Variants in ST6GAL2 observed in about 807,000 individuals in gnomAD.
ST6GAL2 encodes the protein ST6 beta-galactoside alpha-2,6-sialyltransferase 2.
ST6GAL2 carries 24 observed loss-of-function variants against 37.5 expected under a neutral mutation model. The observed-to-expected ratio is 0.64, with a 90% confidence interval of 0.46 to 0.90. ST6GAL2 has a LOEUF of 0.90. Ranked by LOEUF, ST6GAL2 falls within the 40% of genes least tolerant of loss-of-function variation. The pLI is 0.00. For synonymous variants in ST6GAL2, 306 were observed against 295.1 expected (o/e 1.04, Z -0.38); for missense variants, 715 against 712.7 (o/e 1.00, Z -0.04).
At chr2:106,854,127 G>A (rs1677479885) in intron 1 of ST6GAL2, among the ~76,000 whole-genome samples, 1 of 152,182 alleles carries the variant, frequency 6.6e-6, no homozygotes, top group Non-Finnish European at 1.5e-5. Context: ...AGCACAGGTG[G>A]CCAGCAGATG....
chr2:106,823,442 A>AACAC (rs60795605), intron 5 of ST6GAL2, among the ~76,000 whole-genome samples: 11,120 of 100,764 alleles, frequency 0.11, 669 homozygotes, highest in Non-Finnish European at 0.15. Context: ...CCCAGCAGAA[A>AACAC]ACACACACAC....
intron 1 of ST6GAL2, among the ~76,000 whole-genome samples, chr2:106,868,234 T>G (rs1232630236): frequency 6.6e-6 from 1 of 152,118 alleles, no homozygotes; most frequent in Admixed American, 6.5e-5. Flanking sequence ...AAGCCTGGAA[T>G]ACGGTTAATT....
At chr2:106,859,546 C>A (rs1184974592) in intron 1 of ST6GAL2, among the ~76,000 whole-genome samples, 1 of 152,182 alleles carries the variant, frequency 6.6e-6, no homozygotes, top group African/African-American at 2.4e-5. Context: ...CATGGCCAGT[C>A]ACTCAGTTGC....
intron 4 of ST6GAL2, among the ~76,000 whole-genome samples, chr2:106,830,887 G>A (rs1458712747): frequency 1.3e-5 from 2 of 152,126 alleles, no homozygotes; most frequent in African/African-American, 4.8e-5. Flanking sequence ...AGATACATGA[G>A]TGTATAAATT....
At chr2:106,836,040 A>C (rs939266036) in intron 2 of ST6GAL2, among the ~76,000 whole-genome samples, 1 of 152,166 alleles carries the variant, frequency 6.6e-6, no homozygotes, top group African/African-American at 2.4e-5. Flanking sequence ...GGCAGATGGA[A>C]TATATCTACT....
Position 106,843,813 on chromosome 2 carries a change from C to G in ST6GAL2, c.165G>C (p.Gln55His), listed in dbSNP as rs201439330. The part of the protein sequence containing the change: ...FLETRRLLPV[Q>H]GKQRAIMGAA... The stretch of plus-strand genomic sequence containing the variant: ...CGCCCATGATGGCCCGCTGCTTCCC[C>G]TGCACCGGCAGGAGCCTCCTGGTCT... The change falls in exon 2 of 6, where the codon CAG (glutamine) becomes CAC (histidine). Residue 55 changes from glutamine to histidine, a missense_variant. Physicochemically the swap from Gln to His is conservative, Grantham distance 24. Around this residue, in one of 3 missense-constraint regions of ST6GAL2, gnomAD observed 512 missense variants for 488.8 expected, o/e 1.05. Transcript: ENST00000409382. The G allele has an allele frequency of 2.1e-4, 335 of 1,611,848 alleles. No homozygotes were observed. The highest frequency in any genetic ancestry group is 1.6e-5 in the Non-Finnish European group (19 of 1,179,050).
At chr2:106,827,287 A>G (rs1052693557) in intron 5 of ST6GAL2, among the ~76,000 whole-genome samples, 1 of 152,204 alleles carries the variant, frequency 6.6e-6, no homozygotes, top group Non-Finnish European at 1.5e-5. Flanking sequence ...AGGATGTTGG[A>G]TAAGTTATAA....
chr2:106,846,903 C>A (rs2377687), intron 1 of ST6GAL2, among the ~76,000 whole-genome samples: 36,451 of 152,064 alleles, frequency 0.24, 4,574 homozygotes, highest in Non-Finnish European at 0.29. Flanking sequence ...CTGTCATATC[C>A]ATTTTCTAGA....
At chr2:106,842,163 T>C (rs1335763876) in intron 2 of ST6GAL2, among the ~76,000 whole-genome samples, 1 of 152,234 alleles carries the variant, frequency 6.6e-6, no homozygotes, top group African/African-American at 2.4e-5. Context: ...CTGCACTACC[T>C]ATTTCAGACT....
intron 3 of ST6GAL2, 38 bp from the exon 4 acceptor site, chr2:106,832,704 T>C (rs778234605): frequency 7.2e-7 from 1 of 1,395,632 alleles, no homozygotes; most frequent in Non-Finnish European, 1.0e-6. Context: ...AAGCCAGGGT[T>C]TGGTTTTTAA....
At chr2:106,826,761 A>C (rs1676224832) in intron 5 of ST6GAL2, among the ~76,000 whole-genome samples, 1 of 152,238 alleles carries the variant, frequency 6.6e-6, no homozygotes. Flanking sequence ...GGAGACTATA[A>C]GGATGAACAT....
rs1247396057 is a variant in ST6GAL2, at chr2:106,805,540, T to A, written c.*1138A>T. On this transcript the variant is annotated 3_prime_UTR_variant, in exon 6 of 6. Transcript: ENST00000409382. ...CATAAATTATTTAATTATATGGCTT[T>A]GTCATGCTGCTGACATAAAACATAT... is the stretch of plus-strand genomic sequence containing the variant. The A allele has an allele frequency of 6.6e-6, 1 of 152,252 alleles. No homozygotes were observed. The highest frequency in any genetic ancestry group is 2.4e-5 in the African/African-American group (1 of 41,464). The allele number at this position is 152,252 out of a possible 1,614,324, so 9.4% of individuals were successfully genotyped here.
intron 1 of ST6GAL2, among the ~76,000 whole-genome samples, chr2:106,855,941 A>C (rs1296590642): frequency 6.6e-6 from 1 of 152,158 alleles, no homozygotes; most frequent in Non-Finnish European, 1.5e-5. Context: ...AGAATTACTG[A>C]ATGCTATAAT....
chr2:106,850,248 C>A lies in ST6GAL2; in HGVS notation c.-57-6214G>T, dbSNP rs1304491419. Among the ~76,000 whole-genome samples, 6 of 152,156 alleles carry A rather than the reference C, an allele frequency of 3.9e-5. No individual in the cohort carries two copies. In the East Asian group the frequency reaches 1.2e-3, roughly 29 times the overall value. On this transcript the variant is annotated intron_variant, in intron 1 of 5. Coordinates refer to ENST00000409382, the MANE Select transcript of ST6GAL2 (RefSeq NM_001142351.2). The stretch of plus-strand genomic sequence containing the variant: ...GGACACAAATAAAGAGAAGAAGCAC[C>A]TGGCAGGATAGAGGGGGCTGCGTTG...
intron 1 of ST6GAL2, among the ~76,000 whole-genome samples, chr2:106,868,168 A>G (rs1678113237): frequency 6.6e-6 from 1 of 152,200 alleles, no homozygotes; most frequent in African/African-American, 2.4e-5. Flanking sequence ...AATTTAAAAT[A>G]CTGTTTGTCA....
intron 1 of ST6GAL2, among the ~76,000 whole-genome samples, chr2:106,857,425 A>G (rs1048596760): frequency 6.6e-6 from 1 of 152,118 alleles, no homozygotes; most frequent in Non-Finnish European, 1.5e-5. Context: ...CAACATGCTG[A>G]AACCCTGTCT....
In ST6GAL2 at chr2:106,806,671, A is replaced by G. The variant is rs529528756; in HGVS notation, c.*7T>C. ...CTTATTGCACATTGATTCCCAAGAA[A>G]CCCTTTTTAAGAGTGTGGAATGACT... On this transcript the variant is annotated 3_prime_UTR_variant, in exon 6 of 6. Transcript: ENST00000409382. 13 of 1,611,312 alleles carry G rather than the reference A, an allele frequency of 8.1e-6. 1 individual carries two copies. In the South Asian group the frequency reaches 8.8e-5, roughly 11 times the overall value.
intron 1 of ST6GAL2, among the ~76,000 whole-genome samples, chr2:106,869,627 C>G (rs1461850754): frequency 6.6e-6 from 1 of 152,172 alleles, no homozygotes; most frequent in Non-Finnish European, 1.5e-5. Flanking sequence ...AGCTGTCAGT[C>G]AGACCTTTGA....
chr2:106,823,230 A>G (rs1280837828), intron 5 of ST6GAL2: 1 of 151,980 alleles, frequency 6.6e-6, no homozygotes, highest in Non-Finnish European at 1.5e-5. Flanking sequence ...AGGAAATCTG[A>G]TTTTCTTCTC....
Sources: allele counts gnomAD v4.1 joint callset (sites outside exome capture counted in the v4.1 genomes callset), GRCh38; gene constraint gnomAD v4.1.1; regional missense constraint gnomAD v4.1.1; transcripts MANE v1.5; gene names NCBI Gene and HGNC (gene_info 2026-07-23, HGNC 2026-07-21).